The following AKAP8L variants were observed in gnomAD, a reference collection of about 807,000 sequenced individuals.
AKAP8L encodes A-kinase anchor protein 8-like.
AKAP8L carries 34 observed loss-of-function variants against 77.5 expected under a neutral mutation model. The observed-to-expected ratio is 0.44, with a 90% CI of 0.33 to 0.58. The LOEUF is 0.58. AKAP8L is among the 20% of genes least tolerant of loss of function. AKAP8L has a pLI of 0.02. For missense variants in AKAP8L, 806 were observed against 887.6 expected (o/e 0.91, Z 1.17); for synonymous variants, 342 against 340.7 (o/e 1.00, Z -0.04).
At chr19:15,413,232 AC>A (rs1271916543) in intron 1 of AKAP8L, among the ~76,000 whole-genome samples, 1 of 152,238 alleles carries the variant, frequency 6.6e-6, no homozygotes, top group Non-Finnish European at 1.5e-5. Flanking sequence ...AGTGTTTTCT[AC>A]CAGTGTGGTG....
chr19:15,412,511 C>T (rs1968124134), intron 1 of AKAP8L, among the ~76,000 whole-genome samples: 1 of 151,094 alleles, frequency 6.6e-6, no homozygotes, highest in Admixed American at 6.6e-5. Context: ...TTTAAAACTA[C>T]ATTAAAAAAA....
intron 2 of AKAP8L, among the ~76,000 whole-genome samples, chr19:15,409,475 G>A (rs1968066991): frequency 6.6e-6 from 1 of 152,128 alleles, no homozygotes; most frequent in Non-Finnish European, 1.5e-5. Flanking sequence ...GTTACTTGGG[G>A]AGCTTACTTA....
chr19:15,389,235 G>GAAAA (rs1285680371), intron 12 of AKAP8L, among the ~76,000 whole-genome samples: 1 of 83,862 alleles, frequency 1.2e-5, no homozygotes, highest in African/African-American at 4.4e-5. Flanking sequence ...AAAAAAAAAA[G>GAAAA]AAAAAAAAAA....
At position 15,380,152 on chromosome 19, in the gene AKAP8L, G is replaced by A; in HGVS notation, c.1911C>T (p.Asp637=). Residue 637 remains aspartate (D), a synonymous_variant, in exon 14 of 14, where the codon GAC becomes GAT. Transcript: ENST00000397410. ...GGGCGCCCCCGCCGCCCTCCTCGTC[G>A]TCCTCCACGTCGAGGCCCGGGATGC... ...IRGIPGLDVE[D]DEEGGGGAP 2 of 1,501,924 alleles carry A rather than the reference G, an allele frequency of 1.3e-6. No individual in the cohort carries two copies. The highest frequency in any genetic ancestry group is 1.2e-5 in the South Asian group (1 of 80,890). The allele number at this position is 1,501,924 out of a possible 1,614,324, so 93.0% of individuals were successfully genotyped here.
Position 15,397,427 on chromosome 19 carries a change from TG to T in AKAP8L, c.1405+92del, listed in dbSNP as rs1451228750. 2.4e-5 allele frequency: 36 copies of T among 1,486,750 alleles called. No homozygotes were observed. Among genetic ancestry groups the T allele is most frequent in the Non-Finnish European group, 1.7e-5 (18 of 1,079,532 alleles). The allele number at this position is 1,486,750 out of a possible 1,614,324, so 92.1% of individuals were successfully genotyped here. A position where few individuals can be genotyped will look rare whatever the true frequency, so the allele number is the denominator to read the frequency against. ...CCAAGGCTGGTCTCCTGACCTTCCC[TG>T]GGGGAACAGAAGGGTGTCCTGACCC... On this transcript the variant is annotated intron_variant, in intron 11 of 13. Coordinates refer to ENST00000397410, the MANE Select transcript of AKAP8L (RefSeq NM_014371.4). This position sits in a 1 kb window ranked among gnomAD's most constrained non-coding sequence, Gnocchi z 4.7.
rs1967894825 is a variant in AKAP8L, at chr19:15,401,356, G to A, written c.610C>T (p.Pro204Ser). ...ASGYGRMWED[P>S]MGARGQCMSG... ...ATGCACTGGCCCCGGGCCCCCATGG[G>A]GTCTTCCCACATGCGCCCATAGCCT... The change falls in exon 5 of 14, where the codon CCC becomes TCC. Residue 204 changes from proline to serine, a missense_variant. Pro to Ser is a moderately conservative substitution (Grantham distance 74). Around this residue, in one of 2 missense-constraint regions of AKAP8L, gnomAD observed 580 missense variants for 694.1 expected, o/e 0.84. Coordinates refer to ENST00000397410, the MANE Select transcript of AKAP8L (RefSeq NM_014371.4). This position sits in a 1 kb window ranked among gnomAD's most constrained non-coding sequence, Gnocchi z 6.2. 2 of 1,613,278 alleles carry A rather than the reference G, an allele frequency of 1.2e-6. No homozygotes were observed. Among genetic ancestry groups the A allele is most frequent in the African/African-American group, 1.3e-5 (1 of 74,942 alleles).
At chr19:15,405,515 G>A (rs1967978980) in intron 2 of AKAP8L, among the ~76,000 whole-genome samples, 1 of 151,764 alleles carries the variant, frequency 6.6e-6, no homozygotes, top group Non-Finnish European at 1.5e-5. Flanking sequence ...GGGCGACACG[G>A]TGAAACTCCA....
rs1318618715 is a variant in AKAP8L at position 15,380,152 on chromosome 19, G to C, written c.1911C>G (p.Asp637Glu). The C allele has an allele frequency of 1.3e-6, 2 of 1,501,924 alleles. No homozygotes were observed. Among genetic ancestry groups the C allele is most frequent in the Admixed American group, 2.1e-5 (1 of 46,772 alleles). The allele number at this position is 1,501,924 out of a possible 1,614,324, so 93.0% of individuals were successfully genotyped here. A position where few individuals can be genotyped will look rare whatever the true frequency, so the allele number is the denominator to read the frequency against. The part of the protein sequence containing the change: ...IRGIPGLDVE[D>E]DEEGGGGAP ...GGGCGCCCCCGCCGCCCTCCTCGTC[G>C]TCCTCCACGTCGAGGCCCGGGATGC... Residue 637 changes from aspartate to glutamate, a missense_variant, in exon 14 of 14, where the codon GAC becomes GAG. By Grantham distance (45) the Asp-to-Glu change is conservative (BLOSUM62 2). Transcript: ENST00000397410.
Position 15,399,681 on chromosome 19 carries a change from A to G in AKAP8L, c.1049-271T>C. On this transcript the variant is annotated intron_variant, in intron 8 of 13. Coordinates refer to ENST00000397410, the MANE Select transcript of AKAP8L (RefSeq NM_014371.4). This position sits in a 1 kb window ranked among gnomAD's most constrained non-coding sequence, Gnocchi z 6.1. The stretch of plus-strand genomic sequence containing the variant: ...GTGCAGTGGGCCAGGAGGAGGCTGG[A>G]AAGCAAAGAGGGGGTATCTTTGTGG... 2.0e-6 allele frequency: 1 copy of G among 488,442 alleles called. No individual in the cohort carries two copies. Among genetic ancestry groups the G allele is most frequent in the Admixed American group, 3.4e-5 (1 of 29,820 alleles). 30.3% of individuals were successfully genotyped at this position (488,442 alleles called of 1,614,324 possible).
rs1967851880 is a variant in AKAP8L, at chr19:15,399,730, G to A, written c.1049-320C>T. On this transcript the variant is annotated intron_variant, in intron 8 of 13. Coordinates refer to ENST00000397410, the MANE Select transcript of AKAP8L (RefSeq NM_014371.4). The surrounding 1 kb of genome is among the most constrained non-coding windows in gnomAD (Gnocchi z 6.1). The stretch of plus-strand genomic sequence containing the variant: ...GGGGACACTGGCACATGTTCAGAGG[G>A]GCCAGGTGGTGGGATGCAGGGAGGC... 8 of 380,868 alleles carry A rather than the reference G, an allele frequency of 2.1e-5. No individual in the cohort carries two copies. In the South Asian group the frequency reaches 2.3e-4, roughly 11 times the overall value. 23.6% of individuals were successfully genotyped at this position (380,868 alleles called of 1,614,324 possible). A position where few individuals can be genotyped will look rare whatever the true frequency, so the allele number is the denominator to read the frequency against.
chr19:15,408,829 G>A (rs1478108442), intron 2 of AKAP8L, among the ~76,000 whole-genome samples: 1 of 149,128 alleles, frequency 6.7e-6, no homozygotes, highest in African/African-American at 2.5e-5. Context: ...CTGAGATCGC[G>A]CCACTGCACT....
At chr19:15,410,194 C>T (rs578198700) in intron 2 of AKAP8L, among the ~76,000 whole-genome samples, 2 of 152,160 alleles carry the variant, frequency 1.3e-5, no homozygotes, top group African/African-American at 2.4e-5. Context: ...CCACCCGCCT[C>T]GGCCTCCCAA....
intron 12 of AKAP8L, among the ~76,000 whole-genome samples, chr19:15,381,547 T>C (rs900118263): frequency 4.6e-5 from 7 of 152,198 alleles, no homozygotes; most frequent in East Asian, 1.9e-4. Context: ...GGAGAGCCCA[T>C]TGAGTCCTTC....
chr19:15,402,322 C>G (rs2145134695), intron 4 of AKAP8L, among the ~76,000 whole-genome samples: 1 of 152,302 alleles, frequency 6.6e-6, no homozygotes, highest in South Asian at 2.1e-4. Flanking sequence ...ACCGTGACTG[C>G]AGCCCGCAGC....
At chr19:15,405,083 G>A (rs1967969983) in intron 2 of AKAP8L, among the ~76,000 whole-genome samples, 1 of 152,242 alleles carries the variant, frequency 6.6e-6, no homozygotes, top group Non-Finnish European at 1.5e-5. Context: ...AGGGAACAGA[G>A]GCTTGCAGTC....
At position 15,401,567 on chromosome 19, in the gene AKAP8L, G is replaced by A; in HGVS notation, c.399C>T (p.Val133=). 1.9e-6 allele frequency: 3 copies of A among 1,610,750 alleles called. No individual in the cohort carries two copies. Among genetic ancestry groups the A allele is most frequent in the Non-Finnish European group, 2.5e-6 (3 of 1,178,820 alleles). ...DSYESCDSRA[V]LSERDLYRSG... Reference sequence around the variant, plus strand: ...ACCGGTACAGGTCGCGCTCACTCAGGACGGCCCTCGAGTCGCAGGACTCAT... The same window carrying A: ...ACCGGTACAGGTCGCGCTCACTCAGAACGGCCCTCGAGTCGCAGGACTCAT... The change falls in exon 5 of 14, where the codon GTC becomes GTT. Residue 133 remains valine (V), a synonymous_variant. Coordinates refer to ENST00000397410, the MANE Select transcript of AKAP8L (RefSeq NM_014371.4). This position sits in a 1 kb window ranked among gnomAD's most constrained non-coding sequence, Gnocchi z 6.2.
chr19:15,384,932 G>C (rs1275296302), intron 12 of AKAP8L, among the ~76,000 whole-genome samples: 1 of 151,528 alleles, frequency 6.6e-6, no homozygotes, highest in East Asian at 1.9e-4. Context: ...GTGCAGTGGC[G>C]CGATATCAGC....
chr19:15,399,251 C>T lies in AKAP8L; in HGVS notation c.1157+51G>A, dbSNP rs1204443964. The T allele has an allele frequency of 2.6e-6, 4 of 1,528,442 alleles. No individual in the cohort carries two copies. Among genetic ancestry groups the T allele is most frequent in the South Asian group, 2.2e-5 (2 of 89,228 alleles). The allele number at this position is 1,528,442 out of a possible 1,614,324, so 94.7% of individuals were successfully genotyped here. On this transcript the variant is annotated intron_variant, in intron 9 of 13. Transcript: ENST00000397410. This position sits in a 1 kb window ranked among gnomAD's most constrained non-coding sequence, Gnocchi z 6.1. ...CAGAGCTATGGCCCTGCTCTCCTGG[C>T]GGCAGCCCCACAGCGAGGCAGAGGC...
Position 15,399,006 on chromosome 19 carries a change from C to T in AKAP8L, c.1157+296G>A, listed in dbSNP as rs1967832984. 4.7e-6 allele frequency: 2 copies of T among 425,972 alleles called. No individual in the cohort carries two copies. Among genetic ancestry groups the T allele is most frequent in the African/African-American group, 4.1e-5 (2 of 49,152 alleles). 26.4% of individuals were successfully genotyped at this position (425,972 alleles called of 1,614,324 possible). A position where few individuals can be genotyped will look rare whatever the true frequency, so the allele number is the denominator to read the frequency against. ...CCTCAGGGGCATCAGGCCCCCAGTG[C>T]ACCTTGGGGTTCGTGCGCCGAGTGA... is the stretch of plus-strand genomic sequence containing the variant. On this transcript the variant is annotated intron_variant, in intron 9 of 13. Transcript: ENST00000397410. The surrounding 1 kb of genome is among the most constrained non-coding windows in gnomAD (Gnocchi z 6.1).
Sources: allele counts gnomAD v4.1 joint callset (sites outside exome capture counted in the v4.1 genomes callset), GRCh38; gene constraint gnomAD v4.1.1; regional missense constraint gnomAD v4.1.1; non-coding constraint Gnocchi (gnomAD v3.1); transcripts MANE v1.5; gene names NCBI Gene and HGNC (gene_info 2026-07-23, HGNC 2026-07-21).